Variants in CAMK2B observed in about 807,000 individuals in gnomAD.
CAMK2B encodes calcium/calmodulin-dependent protein kinase type II subunit beta.
Under a neutral mutation model 93.7 loss-of-function variants are expected in CAMK2B, and 27 were observed. The observed-to-expected ratio is 0.29, with a 90% CI of 0.21 to 0.40. The LOEUF (loss-of-function observed/expected upper bound fraction) is 0.40, where lower values mean the gene tolerates loss of function less well. Among genes scored for constraint, CAMK2B ranks in the 10% least tolerant of loss-of-function variants. The probability of loss-of-function intolerance (pLI) is 1.00; values close to 1 mark genes in which losing one functional copy is unlikely to be tolerated. For synonymous variants in CAMK2B, 374 were observed against 358.8 expected (o/e 1.04, Z -0.48); for missense variants, 568 against 895.8 (o/e 0.63, Z 4.67).
At chr7:44,219,979 C>T in intron 23 of CAMK2B, 81 bp downstream of exon 23, 2 of 1,217,532 alleles carry the variant, frequency 1.6e-6, no homozygotes, top group Non-Finnish European at 2.3e-6. Flanking sequence ...CCCCACCGCT[C>T]CCCATCGCCT....
intron 17 of CAMK2B, among the ~76,000 whole-genome samples, 184 bp downstream of exon 17, chr7:44,230,822 C>T (rs756440716): frequency 5.9e-5 from 9 of 152,148 alleles, no homozygotes; most frequent in African/African-American, 9.7e-5. Flanking sequence ...CATGCTTCTC[C>T]GCTCTGGGCA....
chr7:44,284,940 C>T (rs556820179), intron 1 of CAMK2B, among the ~76,000 whole-genome samples: 30 of 152,092 alleles, frequency 2.0e-4, no homozygotes, highest in African/African-American at 6.0e-4. Context: ...GGAGGAGGGA[C>T]GGGGGACAGA....
intron 6 of CAMK2B, among the ~76,000 whole-genome samples, chr7:44,244,185 A>G (rs1292968327): frequency 6.6e-6 from 1 of 152,166 alleles, no homozygotes; most frequent in Admixed American, 6.5e-5. Flanking sequence ...GGCCCCTGCA[A>G]TGACCCCCTG....
chr7:44,230,531 G>A (rs1040243802), intron 17 of CAMK2B, among the ~76,000 whole-genome samples: 1 of 152,184 alleles, frequency 6.6e-6, no homozygotes, highest in Non-Finnish European at 1.5e-5. Context: ...GGGGGCCCTG[G>A]AATCTGTGGT....
At chr7:44,262,940 C>A (rs1293881299) in intron 3 of CAMK2B, 65 bp downstream of exon 3, 2 of 1,384,218 alleles carry the variant, frequency 1.4e-6, no homozygotes, top group Middle Eastern at 3.7e-4. Flanking sequence ...ATAGAGAAAC[C>A]GGAATGGGCT....
intron 1 of CAMK2B, among the ~76,000 whole-genome samples, chr7:44,291,811 C>T (rs1786918882): frequency 6.6e-6 from 1 of 152,208 alleles, no homozygotes; most frequent in African/African-American, 2.4e-5. Context: ...CTTCCAAAAG[C>T]ACAATTCACG....
chr7:44,247,368 G>A, intron 5 of CAMK2B, 176 bp from the exon 6 acceptor site: 1 of 642,818 alleles, frequency 1.6e-6, no homozygotes, highest in Non-Finnish European at 2.8e-6. Flanking sequence ...TCACCTCCAA[G>A]GCCAGCAACT....
intron 16 of CAMK2B, among the ~76,000 whole-genome samples, chr7:44,232,474 C>T (rs2096588696): frequency 6.6e-6 from 1 of 152,124 alleles, no homozygotes; most frequent in South Asian, 2.1e-4. Flanking sequence ...TGGAGGACAG[C>T]CAGGAGGGCC....
At position 44,228,907 on chromosome 7, in the gene CAMK2B, T is replaced by C; in HGVS notation, c.1357A>G (p.Ile453Val). 2 of 1,606,292 alleles carry C rather than the reference T, an allele frequency of 1.2e-6. No individual in the cohort carries two copies. The highest frequency in any genetic ancestry group is 1.7e-6 in the Non-Finnish European group (2 of 1,176,086). Residue 453 changes from isoleucine to valine, a missense_variant, in exon 19 of 24, where the codon ATC becomes GTC. Ile to Val is a conservative substitution (Grantham distance 29). Coordinates refer to ENST00000395749, the MANE Select transcript of CAMK2B (RefSeq NM_001220.5). ...GAACCCCTTCTCACAGAGTTCAGGA[T>C]GTCAGAGATCCTGGGGGCTGGGGTG... ...LPAPSPRISD[I>V]LNSVRRGSGT...
chr7:44,241,798 G>A lies in CAMK2B; in HGVS notation c.820-15C>T, dbSNP rs776588780. 12 of 1,606,058 alleles carry A rather than the reference G, an allele frequency of 7.5e-6. No homozygotes were observed. In the South Asian group the frequency reaches 1.3e-4, roughly 18 times the overall value. ...GTGGAGCGTTGCTGTGGGGAAATGG[G>A]TGGTCATATGGCAGCCGAGCCCGAG... On this transcript the variant is annotated splice_polypyrimidine_tract_variant and intron_variant, in intron 10 of 23. Transcript: ENST00000395749.
At chr7:44,223,396 G>A (rs1015873472) in intron 20 of CAMK2B, among the ~76,000 whole-genome samples, 1 of 152,112 alleles carries the variant, frequency 6.6e-6, no homozygotes, top group Non-Finnish European at 1.5e-5. Context: ...CGGAAAGCTG[G>A]CCTCTAGGAA....
intron 13 of CAMK2B, among the ~76,000 whole-genome samples, chr7:44,239,142 G>GA (rs2096652543): frequency 6.6e-6 from 1 of 152,222 alleles, no homozygotes; most frequent in African/African-American, 2.4e-5. Context: ...CAGCAGCACA[G>GA]ACCACCGTCT....
At position 44,231,460 on chromosome 7, in the gene CAMK2B, G is replaced by C. The variant is rs1354064094; in HGVS notation, c.1177-406C>G. 2.0e-5 allele frequency among the ~76,000 whole-genome samples: 3 copies of C among 152,264 alleles called. No homozygotes were observed. In the East Asian group the frequency reaches 5.8e-4, roughly 29 times the overall value. ...CTCCCAGCAAGATGAGCCTGGCAGA[G>C]AGACTGGTATGCTCAGCTGACTCTT... On this transcript the variant is annotated intron_variant, in intron 16 of 23. Coordinates refer to ENST00000395749, the MANE Select transcript of CAMK2B (RefSeq NM_001220.5).
rs1785012355 is a variant in CAMK2B, at chr7:44,286,093, T to C, written c.66-1868A>G. ...TTGCCTGGTCTGGCTTCAATCCTGG[T>C]TAGACGGGGTGACACAGCTCTCTGA... On this transcript the variant is annotated intron_variant, in intron 1 of 23. Coordinates refer to ENST00000395749, the MANE Select transcript of CAMK2B (RefSeq NM_001220.5). This position sits in a 1 kb window ranked among gnomAD's most constrained non-coding sequence, Gnocchi z 4.0. Among the ~76,000 whole-genome samples, 1 of 152,146 alleles carries C rather than the reference T, an allele frequency of 6.6e-6. No homozygotes were observed. Among genetic ancestry groups the C allele is most frequent in the Admixed American group, 6.5e-5 (1 of 15,280 alleles).
At chr7:44,273,304 T>C (rs1339807753) in intron 2 of CAMK2B, among the ~76,000 whole-genome samples, 1 of 152,196 alleles carries the variant, frequency 6.6e-6, no homozygotes, top group Non-Finnish European at 1.5e-5. Context: ...CTCTGGGCTC[T>C]GAGTATATGT....
intron 2 of CAMK2B, among the ~76,000 whole-genome samples, chr7:44,266,112 G>T (rs145755187): frequency 6.6e-6 from 1 of 152,082 alleles, no homozygotes; most frequent in Non-Finnish European, 1.5e-5. Flanking sequence ...AATATGACAA[G>T]GATGTTTCAT....
intron 13 of CAMK2B, among the ~76,000 whole-genome samples, chr7:44,239,304 T>C (rs1392610706): frequency 6.6e-6 from 1 of 152,132 alleles, no homozygotes; most frequent in African/African-American, 2.4e-5. Context: ...AATGGGGGTC[T>C]CCGGACCCCC....
At chr7:44,315,840 T>C (rs1166579086) in intron 1 of CAMK2B, among the ~76,000 whole-genome samples, 1 of 152,210 alleles carries the variant, frequency 6.6e-6, no homozygotes, top group Non-Finnish European at 1.5e-5. Context: ...AAATTGTTTT[T>C]CCTAATTTTG....
In CAMK2B at chr7:44,243,432, T is replaced by C. The variant is rs752824056; in HGVS notation, c.510A>G (p.Ala170=). 1 of 1,613,840 alleles carries C rather than the reference T, an allele frequency of 6.2e-7. No homozygotes were observed. The highest frequency in any genetic ancestry group is 1.1e-5 in the South Asian group (1 of 91,070). Residue 170 remains alanine (A), a synonymous_variant, in exon 7 of 24, where the codon GCA becomes GCG. Transcript: ENST00000395749. ...LAIEVQGDQQ[A]WFGFAGTPGY... is the part of the protein sequence containing the mutation. ...CCTGCCCCTGGCACTCACCAAACCATGCCTGCTGGTCCCCCTGCACCTCGA... is the reference window on the plus strand; with the variant it reads ...CCTGCCCCTGGCACTCACCAAACCACGCCTGCTGGTCCCCCTGCACCTCGA...
Sources: allele counts gnomAD v4.1 joint callset (sites outside exome capture counted in the v4.1 genomes callset), GRCh38; gene constraint gnomAD v4.1.1; non-coding constraint Gnocchi (gnomAD v3.1); transcripts MANE v1.5; gene names NCBI Gene and HGNC (gene_info 2026-07-23, HGNC 2026-07-21).